ATP8A1: variants seen among roughly 807,000 people sequenced by gnomAD.
ATP8A1 encodes ATPase phospholipid transporting 8A1.
ATP8A1 carries 90 observed loss-of-function variants against 177.7 expected under a neutral mutation model. The ratio of observed to expected loss-of-function variants is 0.51; its 90% CI spans 0.43 to 0.60. ATP8A1 has a LOEUF of 0.60. Ranked by LOEUF, ATP8A1 falls within the 20% of genes least tolerant of loss-of-function variation. The pLI is 0.00. For synonymous variants in ATP8A1, 493 were observed against 485.9 expected, an observed-to-expected ratio of 1.01 and a Z score of -0.19; for missense variants, 1,072 against 1,392.8, an observed-to-expected ratio of 0.77 and a Z score of 3.67.
At chr4:42,587,774 T>G (rs1733776123) in intron 8 of ATP8A1, among the ~76,000 whole-genome samples, 1 of 151,974 alleles carries the variant, frequency 6.6e-6, no homozygotes, top group Non-Finnish European at 1.5e-5. Flanking sequence ...GCCCGGCTAA[T>G]TTTTTGTACT....
chr4:42,619,701 A>G (rs913095770), intron 4 of ATP8A1, among the ~76,000 whole-genome samples: 5 of 152,038 alleles, frequency 3.3e-5, no homozygotes, highest in South Asian at 4.1e-4. Flanking sequence ...AAAGTTTACT[A>G]GATTGTAATC....
At chr4:42,644,369 C>T (rs867193505) in intron 1 of ATP8A1, among the ~76,000 whole-genome samples, 76 of 152,228 alleles carry the variant, frequency 5.0e-4, no homozygotes, top group African/African-American at 1.7e-3. Context: ...TCTTACTGAA[C>T]GTTAAACGAA....
At chr4:42,553,256 GT>G (rs1353660141) in intron 16 of ATP8A1, among the ~76,000 whole-genome samples, 7 of 152,230 alleles carry the variant, frequency 4.6e-5, no homozygotes, top group African/African-American at 1.7e-4. Flanking sequence ...ATTCGAAGAT[GT>G]TCATTTACCT....
At chr4:42,628,143 G>A (rs939778025) in intron 1 of ATP8A1, among the ~76,000 whole-genome samples, 2 of 152,128 alleles carry the variant, frequency 1.3e-5, no homozygotes, top group Admixed American at 6.5e-5. Flanking sequence ...AATGTTTGCC[G>A]AATACATATA....
Position 42,430,491 on chromosome 4 carries a change from T to TTC in ATP8A1, c.3124-6788_3124-6787dup, listed in dbSNP as rs199576199. Reference sequence around the variant, plus strand: ...CAGCTCGCTAGTGCCTTTTTTTTTTTTCTCCAACTTTTAAGTTTAGGAGTA... The same window carrying TTC: ...CAGCTCGCTAGTGCCTTTTTTTTTTTTCTCTCCAACTTTTAAGTTTAGGAGTA... On this transcript the variant is annotated intron_variant, in intron 33 of 36. Coordinates refer to ENST00000381668, the MANE Select transcript of ATP8A1 (RefSeq NM_006095.2). Among the ~76,000 whole-genome samples, 72 of 152,196 alleles carry TTC rather than the reference T, an allele frequency of 4.7e-4. 1 individual carries two copies. Among genetic ancestry groups the TTC allele is most frequent in the African/African-American group, 1.7e-3 (72 of 41,538 alleles).
At chr4:42,518,373 G>C (rs1469403417) in intron 22 of ATP8A1, among the ~76,000 whole-genome samples, 2 of 152,090 alleles carry the variant, frequency 1.3e-5, no homozygotes, top group East Asian at 1.9e-4. Flanking sequence ...CTGATCTTTT[G>C]AGGAATTTGT....
intron 33 of ATP8A1, among the ~76,000 whole-genome samples, chr4:42,441,776 G>T (rs1402941350): frequency 1.3e-5 from 2 of 152,154 alleles, no homozygotes; most frequent in Admixed American, 1.3e-4. Flanking sequence ...GGACGTGCTA[G>T]TCAAGCCTAC....
intron 29 of ATP8A1, among the ~76,000 whole-genome samples, chr4:42,453,536 C>T (rs180840704): frequency 6.6e-5 from 10 of 152,224 alleles, no homozygotes; most frequent in African/African-American, 1.7e-4. Context: ...ATAAAAGATA[C>T]GAGGAATGAT....
chr4:42,434,600 A>G (rs1378741007), intron 33 of ATP8A1, among the ~76,000 whole-genome samples: 1 of 152,180 alleles, frequency 6.6e-6, no homozygotes, highest in Non-Finnish European at 1.5e-5. Flanking sequence ...AGATGCAATC[A>G]CTTTGGTCCT....
chr4:42,433,734 T>C (rs1204153413), intron 33 of ATP8A1, among the ~76,000 whole-genome samples: 1 of 152,094 alleles, frequency 6.6e-6, no homozygotes, highest in African/African-American at 2.4e-5. Flanking sequence ...TGGACATTTC[T>C]CTGGGGTGAT....
At chr4:42,561,899 T>C (rs1012175568) in intron 15 of ATP8A1, 1 of 152,236 alleles carries the variant, frequency 6.6e-6, no homozygotes, top group Non-Finnish European at 1.5e-5. Context: ...CCATGACGTA[T>C]GGGCCAGGTG....
At position 42,616,131 on chromosome 4, in the gene ATP8A1, A is replaced by C. The variant is rs149382464; in HGVS notation, c.364-53T>G. 2,171 of 1,482,074 alleles carry C rather than the reference A, an allele frequency of 1.5e-3. 17 individuals carry two copies. The African/African-American group carries it at 0.018, about 12-fold the overall frequency. 91.8% of individuals were successfully genotyped at this position (1,482,074 alleles called of 1,614,324 possible). On this transcript the variant is annotated intron_variant, in intron 4 of 36. Coordinates refer to ENST00000381668, the MANE Select transcript of ATP8A1 (RefSeq NM_006095.2). ...TGTGAAAATGTGAATAAGATTACTA[A>C]AACAAGAGAGCACTCATACCAAAAA... is the stretch of plus-strand genomic sequence containing the variant.
chr4:42,580,017 C>G (rs1732870230), intron 10 of ATP8A1, 39 bp from the exon 11 acceptor site: 5 of 1,500,378 alleles, frequency 3.3e-6, no homozygotes, highest in Non-Finnish European at 4.5e-6. Context: ...AAAATGTACA[C>G]CAATGATTTA....
At chr4:42,458,345 G>A (rs1268220351) in intron 27 of ATP8A1, among the ~76,000 whole-genome samples, 1 of 152,158 alleles carries the variant, frequency 6.6e-6, no homozygotes, top group African/African-American at 2.4e-5. Flanking sequence ...CACTTGCTGG[G>A]ACAGTATCAC....
At chr4:42,451,383 G>A (rs1181930144) in intron 30 of ATP8A1, among the ~76,000 whole-genome samples, 2 of 152,160 alleles carry the variant, frequency 1.3e-5, no homozygotes, top group East Asian at 3.8e-4. Context: ...CCAAGACAGA[G>A]CAGCACCAGC....
intron 6 of ATP8A1, among the ~76,000 whole-genome samples, chr4:42,595,388 G>C (rs1734624778): frequency 6.6e-6 from 1 of 152,088 alleles, no homozygotes; most frequent in African/African-American, 2.4e-5. Context: ...GGTTGGGGCA[G>C]GGGTATTGTC....
rs573006774 is a variant in ATP8A1 at position 42,622,648 on chromosome 4, T to C, written c.363+1888A>G. 5.3e-5 allele frequency among the ~76,000 whole-genome samples: 8 copies of C among 152,244 alleles called. No homozygotes were observed. In the South Asian group the frequency reaches 1.7e-3, roughly 32 times the overall value. ...GGAAAACACTTGCAAACTATGCATCTGACAAAGGTCTAATATCCGGCATCT... is the reference window on the plus strand; with the variant it reads ...GGAAAACACTTGCAAACTATGCATCCGACAAAGGTCTAATATCCGGCATCT... On this transcript the variant is annotated intron_variant, in intron 4 of 36. Coordinates refer to ENST00000381668, the MANE Select transcript of ATP8A1 (RefSeq NM_006095.2).
intron 25 of ATP8A1, among the ~76,000 whole-genome samples, chr4:42,474,721 T>C (rs1720861025): frequency 1.3e-5 from 2 of 152,126 alleles, no homozygotes. Context: ...AACAGGGATT[T>C]AATGAACTGA....
chr4:42,519,614 T>G (rs138407470), intron 22 of ATP8A1, among the ~76,000 whole-genome samples: 5 of 152,290 alleles, frequency 3.3e-5, no homozygotes, highest in African/African-American at 1.2e-4. Flanking sequence ...TGCATGAGCA[T>G]GTAAACATGA....
Sources: gnomAD v4.1 joint callset for allele counts (sites outside exome capture counted in the v4.1 genomes callset) on GRCh38, gnomAD v4.1.1 for gene constraint, MANE v1.5 for transcripts, NCBI Gene and HGNC (gene_info 2026-07-23, HGNC 2026-07-21) for gene names.